RBM44: variants seen among roughly 807,000 people sequenced by gnomAD.
The protein encoded by RBM44 is RNA-binding protein 44.
Under a neutral mutation model 105.1 loss-of-function variants are expected in RBM44, and 66 were observed. The ratio of observed to expected loss-of-function variants is 0.63; its 90% confidence interval spans 0.52 to 0.77. RBM44 has a LOEUF of 0.77. RBM44 is among the 30% of genes least tolerant of loss of function. The probability of loss-of-function intolerance (pLI) is 0.00; values close to 1 mark genes in which losing one functional copy is unlikely to be tolerated. For synonymous variants in RBM44, 365 were observed against 417.6 expected, an observed-to-expected ratio of 0.87 and a Z score of 1.54; for missense variants, 1,122 against 1,207.8, an observed-to-expected ratio of 0.93 and a Z score of 1.05.
At chr2:237,839,168 T>C (rs978040999) in intron 15 of RBM44, among the ~76,000 whole-genome samples, 1 of 152,220 alleles carries the variant, frequency 6.6e-6, no homozygotes, top group Non-Finnish European at 1.5e-5. Context: ...TAACCCTTTT[T>C]CTACATATGT....
chr2:237,840,626 G>A (rs2062002934), intron 15 of RBM44, among the ~76,000 whole-genome samples: 1 of 152,116 alleles, frequency 6.6e-6, no homozygotes, highest in African/African-American at 2.4e-5. Flanking sequence ...ACTATCAACA[G>A]AGTAAACAGA....
At chr2:237,805,445 T>G (rs1462835284) in intron 1 of RBM44, among the ~76,000 whole-genome samples, 3 of 152,200 alleles carry the variant, frequency 2.0e-5, no homozygotes, top group East Asian at 1.9e-4. Flanking sequence ...ACTATTCCTA[T>G]GAAACTACCA....
At position 237,827,489 on chromosome 2, in the gene RBM44, T is replaced by G. The variant is rs1265284615; in HGVS notation, c.2586T>G (p.Asp862Glu). Reference protein sequence around the residue: ...KYQVSEISIYDSTNYRYASLA... With the variant: ...KYQVSEISIYESTNYRYASLA... ...AAGTTTCTGAAATTTCAATTTATGA[T>G]TCTACTAATTACAGGTGTGTTTCCC... The change falls in exon 12 of 16, where the codon GAT (aspartate) becomes GAG (glutamate). Residue 862 changes from aspartate to glutamate, a missense_variant. This residue lies in a region of RBM44 where 194 missense variants were observed against 225.5 expected (regional missense o/e 0.86). Transcript: ENST00000316997. 5 of 1,501,912 alleles carry G rather than the reference T, an allele frequency of 3.3e-6. No homozygotes were observed. The Admixed American group carries it at 5.9e-5, about 18-fold the overall frequency. The allele number at this position is 1,501,912 out of a possible 1,614,324, so 93.0% of individuals were successfully genotyped here. A position where few individuals can be genotyped will look rare whatever the true frequency, so the allele number is the denominator to read the frequency against.
At chr2:237,827,369 T>C (rs773475309) in intron 11 of RBM44, 40 bp downstream of exon 11, 1 of 1,467,584 alleles carries the variant, frequency 6.8e-7, no homozygotes. Flanking sequence ...TTTTCAAATT[T>C]ATTAGTTGTT....
At chr2:237,823,114 A>G (rs2061810717) in intron 8 of RBM44, among the ~76,000 whole-genome samples, 1 of 147,290 alleles carries the variant, frequency 6.8e-6, no homozygotes, top group Non-Finnish European at 1.5e-5. Flanking sequence ...ATATTTGTGT[A>G]TATATATAAT....
intron 15 of RBM44, among the ~76,000 whole-genome samples, chr2:237,839,267 G>A (rs1006881989): frequency 6.6e-6 from 1 of 152,042 alleles, no homozygotes; most frequent in Non-Finnish European, 1.5e-5. Flanking sequence ...TGTGGGGAGG[G>A]GTTGGTTTGT....
chr2:237,820,616 C>G (rs1188128984), intron 5 of RBM44: 2 of 292,692 alleles, frequency 6.8e-6, no homozygotes, highest in African/African-American at 4.4e-5. Context: ...AGAGTTTTTG[C>G]ATGACATGCT....
At chr2:237,835,843 T>G (rs1466947544) in intron 15 of RBM44, among the ~76,000 whole-genome samples, 1 of 151,850 alleles carries the variant, frequency 6.6e-6, no homozygotes, top group African/African-American at 2.4e-5. Context: ...CAACATATAG[T>G]CTTCTATCCT....
At chr2:237,814,513 TC>T (rs1273643581) in intron 2 of RBM44, among the ~76,000 whole-genome samples, 3 of 151,676 alleles carry the variant, frequency 2.0e-5, no homozygotes, top group African/African-American at 7.3e-5. Context: ...TTCAAAATGG[TC>T]CCCCAAAAAT....
chr2:237,828,443 A>T (rs981008027), intron 12 of RBM44, among the ~76,000 whole-genome samples: 1 of 152,156 alleles, frequency 6.6e-6, no homozygotes, highest in Non-Finnish European at 1.5e-5. Flanking sequence ...TTATTACTTG[A>T]TGTGAAAACT....
chr2:237,818,420 ATGATGAATAAAAAACGACC>A lies in RBM44; in HGVS notation c.1510_1528del (p.Lys504GlyfsTer22). The A allele has an allele frequency of 6.2e-7, 1 of 1,609,174 alleles. No homozygotes were observed. Among genetic ancestry groups the A allele is most frequent in the Non-Finnish European group, 8.5e-7 (1 of 1,176,870 alleles). On this transcript the variant is annotated frameshift_variant, in exon 3 of 16. Coordinates refer to ENST00000316997, the MANE Select transcript of RBM44 (RefSeq NM_001080504.3). LOFTEE classifies it high-confidence loss of function. The surrounding 1 kb of genome is among the most constrained non-coding windows in gnomAD (Gnocchi z 4.6). ...TACATCAAGCAACACAGAGATAACAATGATGAATAAAAAACGACCTGATGAATGGCAAAATGAGAAACAA... is the reference window on the plus strand; with the variant it reads ...TACATCAAGCAACACAGAGATAACAATGATGAATGGCAAAATGAGAAACAA...
intron 1 of RBM44, among the ~76,000 whole-genome samples, chr2:237,805,808 T>G (rs967360858): frequency 6.6e-6 from 1 of 151,808 alleles, no homozygotes; most frequent in African/African-American, 2.4e-5. Context: ...CTACAGAAAA[T>G]TTTAAAATTA....
chr2:237,818,510 A>ATAGAT lies in RBM44; in HGVS notation c.1592_1596dup (p.Thr533Ter). 6.2e-7 allele frequency: 1 copy of ATAGAT among 1,610,524 alleles called. No individual in the cohort carries two copies. The highest frequency in any genetic ancestry group is 8.5e-7 in the Non-Finnish European group (1 of 1,178,158). On this transcript the variant is annotated frameshift_variant, in exon 3 of 16. Coordinates refer to ENST00000316997, the MANE Select transcript of RBM44 (RefSeq NM_001080504.3). LOFTEE classifies it high-confidence loss of function. The surrounding 1 kb of genome is among the most constrained non-coding windows in gnomAD (Gnocchi z 4.6). ...AGATTGGTCATACAGTGAAGATTGT[A>ATAGAT]TAGATACACAGATGGCTATAACAAA...
intron 10 of RBM44, among the ~76,000 whole-genome samples, chr2:237,826,375 T>G (rs1376308603): frequency 6.6e-6 from 1 of 152,130 alleles, no homozygotes; most frequent in African/African-American, 2.4e-5. Context: ...AACGTACTCT[T>G]AAGAATTTTG....
At position 237,824,363 on chromosome 2, in the gene RBM44, C is replaced by T; in HGVS notation, c.2393C>T (p.Ser798Leu). ...GAGAGCCTGACAGGAGTTGACGTCTCAGGGACACAGGGAAATCAAGTAGAA... is the reference window on the plus strand; with the variant it reads ...GAGAGCCTGACAGGAGTTGACGTCTTAGGGACACAGGGAAATCAAGTAGAA... ...AKESLTGVDV[S>L]GTQGNQVEQD... The change falls in exon 10 of 16, where the codon TCA becomes TTA. Residue 798 changes from serine to leucine, a missense_variant. Around this residue, in one of 3 missense-constraint regions of RBM44, gnomAD observed 918 missense variants for 955.3 expected, o/e 0.96. Coordinates refer to ENST00000316997, the MANE Select transcript of RBM44 (RefSeq NM_001080504.3). The T allele has an allele frequency of 6.2e-7, 1 of 1,612,862 alleles. No homozygotes were observed. Among genetic ancestry groups the T allele is most frequent in the South Asian group, 1.1e-5 (1 of 91,022 alleles).
At chr2:237,812,352 A>G (rs539998828) in intron 1 of RBM44, among the ~76,000 whole-genome samples, 1 of 152,296 alleles carries the variant, frequency 6.6e-6, no homozygotes, top group Non-Finnish European at 1.5e-5. Flanking sequence ...TTTATTTAAT[A>G]ATAAGCATCT....
At chr2:237,827,778 T>C (rs1451902662) in intron 12 of RBM44, among the ~76,000 whole-genome samples, 1 of 152,162 alleles carries the variant, frequency 6.6e-6, no homozygotes, top group Admixed American at 6.5e-5. Flanking sequence ...TGCCACTTCA[T>C]AGGGGAAGTA....
At chr2:237,801,099 G>C (rs1019222522) in intron 1 of RBM44, among the ~76,000 whole-genome samples, 1 of 152,172 alleles carries the variant, frequency 6.6e-6, no homozygotes, top group African/African-American at 2.4e-5. Flanking sequence ...ACTTTGAAAG[G>C]CTGAGGTAGG....
In RBM44 at chr2:237,818,517, C is replaced by T. The variant is rs373740025; in HGVS notation, c.1598C>T (p.Thr533Ile). The T allele has an allele frequency of 6.8e-6, 11 of 1,607,988 alleles. No homozygotes were observed. Among genetic ancestry groups the T allele is most frequent in the African/African-American group, 4.0e-5 (3 of 74,756 alleles). ...DWSYSEDCID[T>I]QMAITKGSGK... ...TCATACAGTGAAGATTGTATAGATA[C>T]ACAGATGGCTATAACAAAAGGATCA... Residue 533 changes from threonine to isoleucine, a missense_variant, in exon 3 of 16, where the codon ACA becomes ATA. Transcript: ENST00000316997. The surrounding 1 kb of genome is among the most constrained non-coding windows in gnomAD (Gnocchi z 4.6).
Sources: allele counts gnomAD v4.1 joint callset (sites outside exome capture counted in the v4.1 genomes callset), GRCh38; gene constraint gnomAD v4.1.1; regional missense constraint gnomAD v4.1.1; non-coding constraint Gnocchi (gnomAD v3.1); transcripts MANE v1.5; gene names NCBI Gene and HGNC (gene_info 2026-07-23, HGNC 2026-07-21).